The following TRIT1 variants were observed in gnomAD, a reference collection of about 807,000 sequenced individuals.
TRIT1 encodes the protein tRNA isopentenyltransferase 1.
In TRIT1, 43 loss-of-function variants were observed where a neutral mutation model predicts 51.2. The observed-to-expected ratio is 0.84, with a 90% CI of 0.66 to 1.08. TRIT1 has a LOEUF of 1.08. Among genes scored for constraint, TRIT1 ranks in the 50% least tolerant of loss-of-function variants. TRIT1 has a pLI of 0.00. For missense variants in TRIT1, 528 were observed against 578.4 expected, an observed-to-expected ratio of 0.91 and a Z score of 0.89; for synonymous variants, 184 against 203.9, an observed-to-expected ratio of 0.90 and a Z score of 0.83.
chr1:39,856,357 AC>A (rs1642896663), intron 2 of TRIT1, among the ~76,000 whole-genome samples: 1 of 151,922 alleles, frequency 6.6e-6, no homozygotes, highest in African/African-American at 2.4e-5. Flanking sequence ...GGTGGTAAGC[AC>A]CTGTAGTCCC....
chr1:39,857,368 T>C lies in TRIT1; in HGVS notation c.224A>G (p.Gln75Arg), dbSNP rs772703060. ...GATCATGTGGTGCCGGCAGATTCTC[T>C]GCTCTTGGGCAGAAACCTTGTTGGT... ...IITNKVSAQEQRICRHHMISF... is the reference protein window; with the variant it reads ...IITNKVSAQERRICRHHMISF... Residue 75 changes from glutamine to arginine, a missense_variant, in exon 2 of 11, where the codon CAG (glutamine) becomes CGG (arginine). Physicochemically the swap from Gln to Arg is conservative, Grantham distance 43. This residue lies in a region of TRIT1 where 468 missense variants were observed against 522.6 expected (regional missense o/e 0.90). Coordinates refer to ENST00000316891, the MANE Select transcript of TRIT1 (RefSeq NM_017646.6). 1.2e-6 allele frequency: 2 copies of C among 1,614,216 alleles called. No homozygotes were observed. The highest frequency in any genetic ancestry group is 1.7e-6 in the Non-Finnish European group (2 of 1,180,034).
intron 1 of TRIT1, among the ~76,000 whole-genome samples, chr1:39,861,002 G>A (rs183170597): frequency 1.3e-5 from 2 of 152,262 alleles, no homozygotes; most frequent in African/African-American, 2.4e-5. Flanking sequence ...GCTTGAACCC[G>A]GACGGCAGAA....
chr1:39,869,667 T>C (rs1643767333), intron 1 of TRIT1, among the ~76,000 whole-genome samples: 1 of 151,446 alleles, frequency 6.6e-6, no homozygotes, highest in African/African-American at 2.4e-5. Context: ...GGAGCGTCTC[T>C]GCCCCGCCGC....
intron 1 of TRIT1, among the ~76,000 whole-genome samples, chr1:39,879,066 G>A (rs1182631554): frequency 4.6e-5 from 7 of 151,932 alleles, no homozygotes; most frequent in African/African-American, 1.2e-4. Context: ...TCAAGAGATC[G>A]AGACCATCCT....
intron 1 of TRIT1, among the ~76,000 whole-genome samples, chr1:39,874,920 A>T (rs892143179): frequency 5.3e-5 from 8 of 151,708 alleles, no homozygotes; most frequent in Non-Finnish European, 1.2e-4. Flanking sequence ...TGCCCGCCTC[A>T]GCCTCCCAAA....
At chr1:39,850,321 A>G in intron 4 of TRIT1, 60 bp from the exon 5 acceptor site, 1 of 1,589,304 alleles carries the variant, frequency 6.3e-7, no homozygotes, top group Non-Finnish European at 8.6e-7. Flanking sequence ...GAAAATATTC[A>G]TTCTCAAGTA....
chr1:39,874,331 C>A (rs1047076308), intron 1 of TRIT1, among the ~76,000 whole-genome samples: 3 of 152,170 alleles, frequency 2.0e-5, no homozygotes, highest in Admixed American at 2.0e-4. Flanking sequence ...CAGGAACCCA[C>A]CTCCCCAGTT....
intron 1 of TRIT1, among the ~76,000 whole-genome samples, chr1:39,873,308 G>A (rs1643939363): frequency 6.6e-6 from 1 of 152,132 alleles, no homozygotes; most frequent in Non-Finnish European, 1.5e-5. Flanking sequence ...ATGATCCAAT[G>A]AGAAGGGTAC....
chr1:39,874,452 T>C (rs1643980971), intron 1 of TRIT1, among the ~76,000 whole-genome samples: 1 of 152,140 alleles, frequency 6.6e-6, no homozygotes, highest in African/African-American at 2.4e-5. Flanking sequence ...AAGATATCCA[T>C]AACATAGTGT....
chr1:39,867,794 C>A (rs1320799669), intron 1 of TRIT1, among the ~76,000 whole-genome samples: 2 of 152,150 alleles, frequency 1.3e-5, no homozygotes, highest in Non-Finnish European at 2.9e-5. Flanking sequence ...CTGCCTATAA[C>A]CCAAGCTATT....
At chr1:39,874,946 G>C (rs1022630233) in intron 1 of TRIT1, among the ~76,000 whole-genome samples, 31 of 151,908 alleles carry the variant, frequency 2.0e-4, no homozygotes, top group Admixed American at 2.0e-4. Context: ...GGAATTATAG[G>C]CGTGAGCCAC....
intron 10 of TRIT1, among the ~76,000 whole-genome samples, chr1:39,842,262 G>A (rs551741356): frequency 2.6e-5 from 4 of 152,164 alleles, no homozygotes; most frequent in Non-Finnish European, 5.9e-5. Flanking sequence ...TCACACAGCA[G>A]GTAAACTCTT....
intron 1 of TRIT1, among the ~76,000 whole-genome samples, chr1:39,869,815 A>C (rs1643781724): frequency 6.7e-6 from 1 of 149,412 alleles, no homozygotes; most frequent in Non-Finnish European, 1.5e-5. Flanking sequence ...AGAAGTGAGG[A>C]GCCCCTCCGC....
rs1642340214 is a variant in TRIT1, at chr1:39,848,084, G to A, written c.717C>T (p.Arg239=). 6.2e-7 allele frequency: 1 copy of A among 1,614,008 alleles called. No individual in the cohort carries two copies. The highest frequency in any genetic ancestry group is 8.5e-7 in the Non-Finnish European group (1 of 1,179,974). The change falls in exon 6 of 11, where the codon CGC becomes CGT. Residue 239 remains arginine, a synonymous_variant. Transcript: ENST00000316891. ...GCATGTCATCCACCCTCTTATCCAA[G>A]CGCTCATCTAGAACTTGAATCAAAT... ...LHADQAVLDE[R]LDKRVDDMLA...
In TRIT1 at chr1:39,850,099, G is replaced by C. The variant is rs1393177758; in HGVS notation, c.703+20C>G. On this transcript the variant is annotated intron_variant, in intron 5 of 10. Coordinates refer to ENST00000316891, the MANE Select transcript of TRIT1 (RefSeq NM_017646.6). Reference sequence around the variant, plus strand: ...CAAGTTCCATCACAGATGGACTCTAGGGCATCAAAGGGCTGTTACCTGCCT... The same window carrying C: ...CAAGTTCCATCACAGATGGACTCTACGGCATCAAAGGGCTGTTACCTGCCT... 1 of 1,613,552 alleles carries C rather than the reference G, an allele frequency of 6.2e-7. No homozygotes were observed. The highest frequency in any genetic ancestry group is 8.5e-7 in the Non-Finnish European group (1 of 1,179,744).
intron 1 of TRIT1, among the ~76,000 whole-genome samples, chr1:39,866,542 CTT>C (rs1231965931): frequency 6.6e-6 from 1 of 152,062 alleles, no homozygotes; most frequent in African/African-American, 2.4e-5. Flanking sequence ...TAAAAGAAAA[CTT>C]TTTTTAAACA....
intron 1 of TRIT1, among the ~76,000 whole-genome samples, chr1:39,864,555 G>A (rs1374758632): frequency 6.9e-6 from 1 of 144,852 alleles, no homozygotes; most frequent in Admixed American, 7.1e-5. Flanking sequence ...CTTGCAGTGA[G>A]CCAAGATTGC....
At chr1:39,882,549 T>C (rs1384590255) in intron 1 of TRIT1, among the ~76,000 whole-genome samples, 5 of 152,252 alleles carry the variant, frequency 3.3e-5, no homozygotes, top group Non-Finnish European at 5.9e-5. Context: ...ACACCCCTTC[T>C]GGGCCTCCCA....
At chr1:39,849,346 A>G (rs954450303) in intron 5 of TRIT1, among the ~76,000 whole-genome samples, 2 of 152,230 alleles carry the variant, frequency 1.3e-5, no homozygotes, top group Non-Finnish European at 2.9e-5. Flanking sequence ...GTCTGCCTCA[A>G]GAGCCTGTGC....
Sources: allele counts gnomAD v4.1 joint callset (sites outside exome capture counted in the v4.1 genomes callset), GRCh38; gene constraint gnomAD v4.1.1; regional missense constraint gnomAD v4.1.1; transcripts MANE v1.5; gene names NCBI Gene and HGNC (gene_info 2026-07-23, HGNC 2026-07-21).